PRKCA: variants seen among roughly 807,000 people sequenced by gnomAD.
PRKCA encodes the protein protein kinase C alpha type.
In PRKCA, 27 loss-of-function variants were observed where a neutral mutation model predicts 87.0. The observed-to-expected ratio is 0.31, with a 90% CI of 0.23 to 0.43. The LOEUF (loss-of-function observed/expected upper bound fraction) is 0.43, where lower values mean the gene tolerates loss of function less well. Among genes scored for constraint, PRKCA ranks in the 20% least tolerant of loss-of-function variants. The pLI, the probability that PRKCA is intolerant of heterozygous loss-of-function variation, is 1.00. For missense variants in PRKCA, 518 were observed against 852.3 expected, an observed-to-expected ratio of 0.61 and a Z score of 4.88; for synonymous variants, 329 against 311.1, an observed-to-expected ratio of 1.06 and a Z score of -0.61.
intron 3 of PRKCA, among the ~76,000 whole-genome samples, chr17:66,497,694 G>A (rs996028144): frequency 3.9e-5 from 6 of 152,330 alleles, no homozygotes; most frequent in African/African-American, 1.4e-4. Flanking sequence ...CAAATTGTGT[G>A]CTTGAAGCGA....
intron 2 of PRKCA, among the ~76,000 whole-genome samples, chr17:66,383,781 C>T (rs1909900804): frequency 6.6e-6 from 1 of 151,934 alleles, no homozygotes; most frequent in Non-Finnish European, 1.5e-5. Context: ...GGTGAAACCC[C>T]ATCTCTACTA....
intron 2 of PRKCA, among the ~76,000 whole-genome samples, chr17:66,473,811 G>T (rs1451476373): frequency 6.6e-6 from 1 of 152,108 alleles, no homozygotes; most frequent in Non-Finnish European, 1.5e-5. Flanking sequence ...GCACATGCCT[G>T]TAATCCTAGC....
At chr17:66,777,943 G>A in intron 14 of PRKCA, 1 of 985,378 alleles carries the variant, frequency 1.0e-6, no homozygotes, top group Non-Finnish European at 1.2e-6. Flanking sequence ...GGAGAACTCA[G>A]GGAATGCTTT....
At chr17:66,780,840 A>T (rs565386840) in intron 14 of PRKCA, among the ~76,000 whole-genome samples, 1 of 152,008 alleles carries the variant, frequency 6.6e-6, no homozygotes, top group South Asian at 2.1e-4. Context: ...AGGCGTGGTG[A>T]CACACACCTG....
rs1567899789 is a variant in PRKCA at position 66,562,137 on chromosome 17, TTATATATATAATTA to T, written c.288+65855_288+65868del. Among the ~76,000 whole-genome samples the T allele has an allele frequency of 6.5e-4, 11 of 16,980 alleles. 1 individual carries two copies. The East Asian group carries it at 9.8e-3, about 15-fold the overall frequency. The allele number at this position is 16,980 out of a possible 152,430, so 11.1% of individuals were successfully genotyped here. ...ATATAATTAAATATATATAATTAAA[TTATATATATAATTA>T]AATTATATATATAATTAAATATATA... On this transcript the variant is annotated intron_variant, in intron 3 of 16. Coordinates refer to ENST00000413366, the MANE Select transcript of PRKCA (RefSeq NM_002737.3).
At chr17:66,366,221 T>C (rs1262079039) in intron 2 of PRKCA, among the ~76,000 whole-genome samples, 1 of 152,040 alleles carries the variant, frequency 6.6e-6, no homozygotes, top group Non-Finnish European at 1.5e-5. Context: ...GTTTTATTCA[T>C]GATGCAATTT....
intron 2 of PRKCA, among the ~76,000 whole-genome samples, chr17:66,340,418 A>G (rs1484337730): frequency 1.3e-5 from 2 of 149,482 alleles, no homozygotes; most frequent in Non-Finnish European, 1.5e-5. Flanking sequence ...GTTTGTCAGA[A>G]TATGGCCCCA....
intron 3 of PRKCA, among the ~76,000 whole-genome samples, chr17:66,515,854 TG>T (rs1339131049): frequency 1.3e-5 from 2 of 152,206 alleles, no homozygotes; most frequent in Non-Finnish European, 2.9e-5. Flanking sequence ...AATGAGTTTT[TG>T]TTTTTGTTTT....
chr17:66,382,600 CAT>C, intron 2 of PRKCA, among the ~76,000 whole-genome samples: 1 of 152,052 alleles, frequency 6.6e-6, no homozygotes, highest in Non-Finnish European at 1.5e-5. Context: ...GCCCAGCTGC[CAT>C]TTATTTTTAT....
chr17:66,466,099 T>C lies in PRKCA; in HGVS notation c.206-30102T>C, dbSNP rs1216190807. Among the ~76,000 whole-genome samples the C allele has an allele frequency of 2.6e-5, 4 of 152,228 alleles. No individual in the cohort carries two copies. The South Asian group carries it at 6.2e-4, about 24-fold the overall frequency. On this transcript the variant is annotated intron_variant, in intron 2 of 16. Transcript: ENST00000413366. ...CATCCAAGTGCACCAGCAGCTGTTT[T>C]GTTACATAGCTGCTGTGTGCAGAGC...
At chr17:66,563,968 TTCCTTCCTTCCTTCC>T in intron 3 of PRKCA, among the ~76,000 whole-genome samples, 1 of 76,468 alleles carries the variant, frequency 1.3e-5, no homozygotes, top group Non-Finnish European at 3.0e-5. Flanking sequence ...CCTTCCTTCC[TTCCTTCCTTCCTTCC>T]TTCCTTCCTT....
chr17:66,331,560 T>C (rs954856364), intron 2 of PRKCA, among the ~76,000 whole-genome samples: 4 of 152,176 alleles, frequency 2.6e-5, no homozygotes, highest in African/African-American at 9.6e-5. Context: ...CACAGACTTG[T>C]AGGATCTCAG....
chr17:66,357,493 A>G (rs1469221674), intron 2 of PRKCA, among the ~76,000 whole-genome samples: 1 of 152,226 alleles, frequency 6.6e-6, no homozygotes, highest in Non-Finnish European at 1.5e-5. Context: ...CATTATGATC[A>G]TTATAAAAAA....
intron 16 of PRKCA, among the ~76,000 whole-genome samples, chr17:66,793,673 G>A (rs892279225): frequency 1.3e-5 from 2 of 149,988 alleles, no homozygotes; most frequent in Non-Finnish European, 2.9e-5. Flanking sequence ...AACAGATGTC[G>A]CCTCTGGAAA....
intron 3 of PRKCA, among the ~76,000 whole-genome samples, chr17:66,513,930 C>T (rs1427428755): frequency 6.6e-6 from 1 of 152,110 alleles, no homozygotes; most frequent in Non-Finnish European, 1.5e-5. Context: ...TGGATTTAAT[C>T]TTGTTAGAAC....
intron 2 of PRKCA, among the ~76,000 whole-genome samples, chr17:66,478,476 ACTC>A (rs1460736398): frequency 6.6e-6 from 1 of 150,978 alleles, no homozygotes; most frequent in Admixed American, 6.6e-5. Context: ...CTGGTCTTGA[ACTC>A]CTGACCTCAG....
intron 8 of PRKCA, among the ~76,000 whole-genome samples, chr17:66,709,083 G>A (rs1598888221): frequency 1.3e-5 from 2 of 152,062 alleles, no homozygotes; most frequent in Non-Finnish European, 1.5e-5. Context: ...ACGTAGGATT[G>A]GTTTGCCTCT....
chr17:66,446,736 C>G (rs1378478557), intron 2 of PRKCA, among the ~76,000 whole-genome samples: 2 of 152,096 alleles, frequency 1.3e-5, no homozygotes, highest in Non-Finnish European at 1.5e-5. Flanking sequence ...AGCTGAGGAC[C>G]CCGGTAGCCT....
chr17:66,739,764 C>T (rs553623202), intron 11 of PRKCA, among the ~76,000 whole-genome samples: 23 of 128,248 alleles, frequency 1.8e-4, no homozygotes, highest in South Asian at 1.6e-3. Context: ...ATTTGAGGGG[C>T]GGGGGAAGGG....
Sources: gnomAD v4.1 joint callset for allele counts (sites outside exome capture counted in the v4.1 genomes callset) on GRCh38, gnomAD v4.1.1 for gene constraint, MANE v1.5 for transcripts, NCBI Gene and HGNC (gene_info 2026-07-23, HGNC 2026-07-21) for gene names.